The following HS2ST1 variants were observed in gnomAD, a reference collection of about 807,000 sequenced individuals.
HS2ST1 encodes the protein 2-O-sulfotransferase.
Under a neutral mutation model 42.9 loss-of-function variants are expected in HS2ST1, and 18 were observed. That is an observed-to-expected ratio of 0.42 (90% CI 0.29 to 0.62). The LOEUF (loss-of-function observed/expected upper bound fraction) is 0.62. Among genes scored for constraint, HS2ST1 ranks in the 20% least tolerant of loss-of-function variants. The pLI, the probability that HS2ST1 is intolerant of heterozygous loss-of-function variation, is 0.21. For missense variants in HS2ST1, 334 were observed against 433.8 expected, an observed-to-expected ratio of 0.77 and a Z score of 2.04; for synonymous variants, 146 against 152.9, an observed-to-expected ratio of 0.95 and a Z score of 0.33.
intron 1 of HS2ST1, among the ~76,000 whole-genome samples, chr1:87,040,742 A>G (rs1340752475): frequency 6.6e-6 from 1 of 152,186 alleles, no homozygotes; most frequent in African/African-American, 2.4e-5. Flanking sequence ...AGTCCGGAAT[A>G]TTAACCTTAA....
At chr1:87,083,788 T>C (rs1245833789) in intron 2 of HS2ST1, among the ~76,000 whole-genome samples, 1 of 152,168 alleles carries the variant, frequency 6.6e-6, no homozygotes, top group East Asian at 1.9e-4. Context: ...AAATAAACTT[T>C]TATGAACAGC....
Position 87,098,217 on chromosome 1 carries a change from G to A in HS2ST1, c.686+282G>A, listed in dbSNP as rs775790010. 929 of 907,142 alleles carry A rather than the reference G, an allele frequency of 1.0e-3. 1 individual carries two copies. The highest frequency in any genetic ancestry group is 1.2e-3 in the Non-Finnish European group (888 of 759,936). The allele number at this position is 907,142 out of a possible 1,614,324, so 56.2% of individuals were successfully genotyped here. Reference sequence around the variant, plus strand: ...TTGCTGTATTCCAGCAGAGCTCTTAGAGACTGGGGGTGGGGGTGGGTGTCA... The same window carrying A: ...TTGCTGTATTCCAGCAGAGCTCTTAAAGACTGGGGGTGGGGGTGGGTGTCA... On this transcript the variant is annotated intron_variant, in intron 5 of 6. Coordinates refer to ENST00000370550, the MANE Select transcript of HS2ST1 (RefSeq NM_012262.4).
intron 1 of HS2ST1, among the ~76,000 whole-genome samples, chr1:86,966,736 A>G (rs1367869834): frequency 6.6e-6 from 1 of 152,206 alleles, no homozygotes; most frequent in Admixed American, 6.5e-5. Context: ...ACATGCTACC[A>G]TGCCCAATTT....
chr1:87,064,428 A>G, intron 1 of HS2ST1: 3 of 515,508 alleles, frequency 5.8e-6, no homozygotes, highest in Non-Finnish European at 1.2e-5. Flanking sequence ...GCAATAGTGA[A>G]ACATAAGTCT....
intron 1 of HS2ST1, among the ~76,000 whole-genome samples, chr1:86,969,025 G>A (rs1408003585): frequency 6.6e-6 from 1 of 152,136 alleles, no homozygotes; most frequent in African/African-American, 2.4e-5. Context: ...TTCCATGTAA[G>A]TAAGGTTGCT....
chr1:87,071,216 A>C (rs184911593), intron 1 of HS2ST1, among the ~76,000 whole-genome samples: 3 of 152,180 alleles, frequency 2.0e-5, no homozygotes, highest in African/African-American at 4.8e-5. Context: ...AGTGTATTCT[A>C]TATAACATGG....
intron 1 of HS2ST1, chr1:87,045,952 A>C (rs145576087): frequency 2.2e-4 from 157 of 720,866 alleles, no homozygotes; most frequent in Admixed American, 1.2e-3. Context: ...TATTGATGTC[A>C]GCAACCTCAA....
intron 1 of HS2ST1, among the ~76,000 whole-genome samples, chr1:87,028,238 G>A (rs1045683186): frequency 2.6e-5 from 4 of 152,202 alleles, no homozygotes; most frequent in African/African-American, 9.7e-5. Flanking sequence ...AGGTACATCT[G>A]GGCCACAATT....
chr1:87,072,377 A>C (rs1468333165), intron 1 of HS2ST1, among the ~76,000 whole-genome samples: 1 of 152,190 alleles, frequency 6.6e-6, no homozygotes, highest in Non-Finnish European at 1.5e-5. Context: ...GTCCTGCTAC[A>C]TTTTTATAAA....
At chr1:87,069,446 T>C (rs1651345563) in intron 1 of HS2ST1, among the ~76,000 whole-genome samples, 1 of 152,220 alleles carries the variant, frequency 6.6e-6, no homozygotes, top group Non-Finnish European at 1.5e-5. Flanking sequence ...AAAAGAATTA[T>C]AACTATCTAA....
intron 3 of HS2ST1, among the ~76,000 whole-genome samples, chr1:87,089,166 CA>C (rs1429370714): frequency 2.0e-5 from 3 of 151,946 alleles, no homozygotes; most frequent in African/African-American, 7.2e-5. Context: ...TGTTCATTTG[CA>C]TATTGATACT....
At chr1:87,075,743 T>TTA (rs1651524527) in intron 2 of HS2ST1, among the ~76,000 whole-genome samples, 1 of 152,174 alleles carries the variant, frequency 6.6e-6, no homozygotes, top group South Asian at 2.1e-4. Context: ...TGTTCTAAAC[T>TTA]GTTTACCTGC....
At chr1:87,075,298 C>T (rs2096286) in intron 2 of HS2ST1, among the ~76,000 whole-genome samples, 105,221 of 150,740 alleles carry the variant, frequency 0.7, 38,924 homozygotes, top group East Asian at 0.97. Flanking sequence ...TCCCAAGTAG[C>T]GAGGATTATA....
At chr1:87,093,575 T>G (rs1651995750) in intron 4 of HS2ST1, among the ~76,000 whole-genome samples, 1 of 152,090 alleles carries the variant, frequency 6.6e-6, no homozygotes, top group Non-Finnish European at 1.5e-5. Flanking sequence ...TTTGTGATAT[T>G]TGGATTACCA....
intron 1 of HS2ST1, among the ~76,000 whole-genome samples, chr1:87,066,064 G>A (rs1454975025): frequency 6.6e-6 from 1 of 152,088 alleles, no homozygotes; most frequent in African/African-American, 2.4e-5. Context: ...GTCTGATACA[G>A]AATACATCCT....
Position 87,104,458 on chromosome 1 carries a change from C to G in HS2ST1, c.845-12C>G. On this transcript the variant is annotated splice_polypyrimidine_tract_variant and intron_variant, in intron 6 of 6. Coordinates refer to ENST00000370550, the MANE Select transcript of HS2ST1 (RefSeq NM_012262.4). ...TTATTTACCTTTCCTTTTTTTCCCC[C>G]TTTGTAAGTAGGAAAGAAATCTCAT... 6 of 1,546,856 alleles carry G rather than the reference C, an allele frequency of 3.9e-6. No individual in the cohort carries two copies. The highest frequency in any genetic ancestry group is 5.3e-6 in the Non-Finnish European group (6 of 1,128,850).
rs1254854130 is a variant in HS2ST1, at chr1:86,990,969, C to T, written c.124+75809C>T. Among the ~76,000 whole-genome samples, 4 of 148,434 alleles carry T rather than the reference C, an allele frequency of 2.7e-5. No individual in the cohort carries two copies. In the East Asian group the frequency reaches 6.0e-4, roughly 22 times the overall value. On this transcript the variant is annotated intron_variant, in intron 1 of 6. Coordinates refer to ENST00000370550, the MANE Select transcript of HS2ST1 (RefSeq NM_012262.4). Reference sequence around the variant, plus strand: ...TGCTGGGATTATAGGCCTGAGTGCCCAGCTGGACCCTGTCCAGTTTCTGTT... The same window carrying T: ...TGCTGGGATTATAGGCCTGAGTGCCTAGCTGGACCCTGTCCAGTTTCTGTT...
In HS2ST1 at chr1:87,103,584, G is replaced by A. The variant is rs776026710; in HGVS notation, c.839G>A (p.Arg280His). Residue 280 changes from arginine (R) to histidine (H), a missense_variant, in exon 6 of 7, where the codon CGC becomes CAC. Coordinates refer to ENST00000370550, the MANE Select transcript of HS2ST1 (RefSeq NM_012262.4). ...RFFRGATELYRTGKKSHLRKT... is the reference protein window; with the variant it reads ...RFFRGATELYHTGKKSHLRKT... ...TTCAGGGGTGCTACTGAACTCTATC[G>A]CACAGGTATATAAAGGAAGGGTTTC... 6.9e-6 allele frequency: 11 copies of A among 1,595,378 alleles called. No individual in the cohort carries two copies. The highest frequency in any genetic ancestry group is 2.3e-5 in the South Asian group (2 of 86,896).
chr1:86,943,786 G>T (rs190258764), intron 1 of HS2ST1, among the ~76,000 whole-genome samples: 2 of 152,172 alleles, frequency 1.3e-5, no homozygotes, highest in African/African-American at 2.4e-5. Flanking sequence ...AGCACTTTGG[G>T]TGGCTGAGGC....
Sources: gnomAD v4.1 joint callset for allele counts (sites outside exome capture counted in the v4.1 genomes callset) on GRCh38, gnomAD v4.1.1 for gene constraint, MANE v1.5 for transcripts, NCBI Gene and HGNC (gene_info 2026-07-23, HGNC 2026-07-21) for gene names.